DTNB: variants seen among roughly 807,000 people sequenced by gnomAD.
DTNB encodes DTN-B.
Under a neutral mutation model 90.7 loss-of-function variants are expected in DTNB, and 63 were observed. The observed-to-expected ratio is 0.69, with a 90% CI of 0.57 to 0.86. DTNB has a LOEUF of 0.86. Ranked by LOEUF, DTNB falls within the 40% of genes least tolerant of loss-of-function variation. The pLI is 0.00. For missense variants in DTNB, 744 were observed against 807.1 expected (o/e 0.92, Z 0.95); for synonymous variants, 277 against 286.7 (o/e 0.97, Z 0.34).
intron 9 of DTNB, among the ~76,000 whole-genome samples, chr2:25,495,237 G>T (rs2068558493): frequency 6.6e-6 from 1 of 152,044 alleles, no homozygotes; most frequent in Admixed American, 6.6e-5. Context: ...GCTAATTTCT[G>T]TATTTTTCAT....
chr2:25,651,209 CATT>C (rs1206588018), intron 2 of DTNB, among the ~76,000 whole-genome samples: 2 of 152,186 alleles, frequency 1.3e-5, no homozygotes, highest in African/African-American at 4.8e-5. Flanking sequence ...GCTTTATTCA[CATT>C]ATCTCATTTA....
At chr2:25,416,808 G>T (rs924603932) in intron 16 of DTNB, among the ~76,000 whole-genome samples, 5 of 93,528 alleles carry the variant, frequency 5.3e-5, no homozygotes, top group Non-Finnish European at 1.2e-4. Flanking sequence ...AAGGAACGAA[G>T]GAAGGAAGGA....
chr2:25,585,435 G>A (rs183284285), intron 6 of DTNB, among the ~76,000 whole-genome samples: 58 of 152,118 alleles, frequency 3.8e-4, no homozygotes, highest in African/African-American at 1.3e-3. Context: ...AGAAACAAGC[G>A]TTTGTTTGTT....
intron 1 of DTNB, among the ~76,000 whole-genome samples, chr2:25,672,051 G>T (rs1391995472): frequency 6.6e-6 from 1 of 152,034 alleles, no homozygotes; most frequent in Admixed American, 6.6e-5. Flanking sequence ...AAAATGGGAT[G>T]ATCTCAAGCA....
chr2:25,662,923 C>G (rs1048452104), intron 1 of DTNB, among the ~76,000 whole-genome samples: 6 of 152,072 alleles, frequency 3.9e-5, no homozygotes, highest in African/African-American at 1.5e-4. Flanking sequence ...ACTTTAAGTT[C>G]TGCGATACAT....
intron 2 of DTNB, among the ~76,000 whole-genome samples, chr2:25,641,479 T>A (rs2078291278): frequency 6.6e-6 from 1 of 152,088 alleles, no homozygotes; most frequent in South Asian, 2.1e-4. Context: ...CCCAGGATGG[T>A]CTCAAGCTCC....
intron 11 of DTNB, among the ~76,000 whole-genome samples, chr2:25,452,506 C>A (rs906566626): frequency 6.6e-6 from 1 of 152,156 alleles, no homozygotes; most frequent in Non-Finnish European, 1.5e-5. Flanking sequence ...GACTAAATGA[C>A]CAGAGGTGGC....
chr2:25,618,698 A>G (rs6714136), intron 4 of DTNB, among the ~76,000 whole-genome samples: 1,755 of 152,324 alleles, frequency 0.012, 34 homozygotes, highest in African/African-American at 0.041. Context: ...ATTTGTTGAG[A>G]TGATAAGACA....
chr2:25,605,344 T>C (rs2066877891), intron 5 of DTNB, among the ~76,000 whole-genome samples: 1 of 152,230 alleles, frequency 6.6e-6, no homozygotes, highest in Non-Finnish European at 1.5e-5. Context: ...CATGCTGACA[T>C]GTCACCTTTG....
At chr2:25,400,631 A>G (rs1018935414) in intron 16 of DTNB, among the ~76,000 whole-genome samples, 10 of 152,336 alleles carry the variant, frequency 6.6e-5, no homozygotes, top group South Asian at 6.2e-4. Context: ...AGCTGCCAGG[A>G]GAGGGCAATT....
intron 9 of DTNB, among the ~76,000 whole-genome samples, chr2:25,523,759 C>G (rs2076576985): frequency 6.6e-6 from 1 of 151,938 alleles, no homozygotes; most frequent in Admixed American, 6.6e-5. Context: ...ATAACTAAAA[C>G]TCTTTATGTC....
At chr2:25,666,450 T>C (rs1231533972) in intron 1 of DTNB, among the ~76,000 whole-genome samples, 2 of 151,148 alleles carry the variant, frequency 1.3e-5, no homozygotes, top group Non-Finnish European at 3.0e-5. Context: ...ACATTACCAC[T>C]CAGGAAAAAG....
At chr2:25,634,078 G>T (rs2076474192) in intron 3 of DTNB, among the ~76,000 whole-genome samples, 1 of 151,880 alleles carries the variant, frequency 6.6e-6, no homozygotes, top group African/African-American at 2.4e-5. Flanking sequence ...AGGTGGGGGG[G>T]TCAGCCAGCC....
intron 9 of DTNB, among the ~76,000 whole-genome samples, chr2:25,524,623 G>C (rs76549567): frequency 0.014 from 2,160 of 152,110 alleles, 51 homozygotes; most frequent in African/African-American, 0.049. Context: ...AATTAGGTGG[G>C]GCTGTGAGGC....
chr2:25,670,561 C>A (rs537905689), intron 1 of DTNB, among the ~76,000 whole-genome samples: 1 of 152,186 alleles, frequency 6.6e-6, no homozygotes, highest in Non-Finnish European at 1.5e-5. Context: ...AGTTGCAGCA[C>A]ACAGTCACAC....
At chr2:25,635,979 T>C (rs756180376) in intron 3 of DTNB, among the ~76,000 whole-genome samples, 16 of 152,178 alleles carry the variant, frequency 1.1e-4, no homozygotes, top group Non-Finnish European at 2.4e-4. Flanking sequence ...TTCTCATATA[T>C]GGACACTGCC....
chr2:25,450,659 A>C (rs1054890875), intron 12 of DTNB, among the ~76,000 whole-genome samples: 2 of 152,232 alleles, frequency 1.3e-5, no homozygotes, highest in Non-Finnish European at 2.9e-5. Flanking sequence ...ACAATATTAA[A>C]TCTTTTAATC....
chr2:25,407,347 AT>A, intron 16 of DTNB, among the ~76,000 whole-genome samples: 1 of 152,336 alleles, frequency 6.6e-6, no homozygotes, highest in Non-Finnish European at 1.5e-5. Context: ...TACAACCACT[AT>A]GGAAAATAGG....
At chr2:25,568,135 C>T (rs751244728) in intron 8 of DTNB, among the ~76,000 whole-genome samples, 5 of 146,754 alleles carry the variant, frequency 3.4e-5, no homozygotes, top group East Asian at 2.0e-4. Flanking sequence ...TCCAGCCTGG[C>T]GACACAGGGA....
Sources: gnomAD v4.1 joint callset for allele counts (sites outside exome capture counted in the v4.1 genomes callset) on GRCh38, gnomAD v4.1.1 for gene constraint, MANE v1.5 for transcripts, NCBI Gene and HGNC (gene_info 2026-07-23, HGNC 2026-07-21) for gene names.